Variants in PDHA2 observed in about 807,000 individuals in gnomAD.
PDHA2 encodes pyruvate dehydrogenase E1 subunit alpha 2, also known as pyruvate dehydrogenase E1 component subunit alpha, testis-specific form, mitochondrial.
For synonymous variants in PDHA2, 188 were observed against 185.9 expected (o/e 1.01, Z -0.09); for missense variants, 533 against 495.8 (o/e 1.07, Z -0.71).
chr4:95,840,590 AAGG>A lies in PDHA2; in HGVS notation c.445_447del (p.Gly149del). The A allele has an allele frequency of 1.9e-6, 3 of 1,614,160 alleles. No homozygotes were observed. Among genetic ancestry groups the A allele is most frequent in the Non-Finnish European group, 2.5e-6 (3 of 1,180,042 alleles). On this transcript the variant is annotated inframe_deletion, in exon 1 of 1. Transcript: ENST00000295266. ...AGAAGAGGAGGTTGTGCTAAAGGAA[AAGG>A]AGGATCGATGCATATGTATACCAAG...
chr4:95,840,870 C>T lies in PDHA2; in HGVS notation c.720C>T (p.Tyr240=). The T allele has an allele frequency of 1.2e-6, 2 of 1,614,074 alleles. No individual in the cohort carries two copies. The highest frequency in any genetic ancestry group is 1.7e-6 in the Non-Finnish European group (2 of 1,180,006). ...AGAGAGCAGCAGCCAGCCCTGATTA[C>T]TACAAGAGGGGCAATTTTATCCCTG... ...STERAAASPD[Y]YKRGNFIPGL... is the part of the protein sequence containing the mutation. Residue 240 remains tyrosine (Y), a synonymous_variant, in exon 1 of 1, where the codon TAC becomes TAT. Coordinates refer to ENST00000295266, the MANE Select transcript of PDHA2 (RefSeq NM_005390.5).
In PDHA2 at chr4:95,840,842, C is replaced by T. The variant is rs371352852; in HGVS notation, c.692C>T (p.Thr231Ile). ...AACCTATATGGAATGGGAACATCTA[C>T]TGAGAGAGCAGCAGCCAGCCCTGAT... The part of the protein sequence containing the change: ...ENNLYGMGTS[T>I]ERAAASPDYY... The change falls in exon 1 of 1, where the codon ACT (threonine) becomes ATT (isoleucine). Residue 231 changes from threonine (T) to isoleucine (I), a missense_variant. Thr to Ile is a moderately conservative substitution (Grantham distance 89, BLOSUM62 -1). Coordinates refer to ENST00000295266, the MANE Select transcript of PDHA2 (RefSeq NM_005390.5). 3.7e-6 allele frequency: 6 copies of T among 1,613,884 alleles called. No individual in the cohort carries two copies. The highest frequency in any genetic ancestry group is 5.1e-6 in the Non-Finnish European group (6 of 1,179,930).
In PDHA2 at chr4:95,840,457, G is replaced by A. The variant is rs1405877981; in HGVS notation, c.307G>A (p.Glu103Lys). Residue 103 changes from glutamate to lysine, a missense_variant, in exon 1 of 1, where the codon GAG becomes AAG. Transcript: ENST00000295266. ...DGQEACCVGL[E>K]AGINPSDHVI... is the part of the protein sequence containing the mutation. ...TCAGGAAGCTTGTTGCGTGGGCCTT[G>A]AGGCCGGCATAAACCCCTCGGATCA... The A allele has an allele frequency of 1.2e-6, 2 of 1,614,184 alleles. No individual in the cohort carries two copies. The highest frequency in any genetic ancestry group is 1.7e-5 in the Admixed American group (1 of 60,026).
rs776756344 is a variant in PDHA2, at chr4:95,841,048, C to A, written c.898C>A (p.Arg300Ser). The part of the protein sequence containing the change: ...HSMSDPGVSY[R>S]TREEIQEVRS... ...TATGAGTGATCCTGGAGTCAGTTATCGTACACGAGAAGAAATTCAGGAAGT... is the reference window on the plus strand; with the variant it reads ...TATGAGTGATCCTGGAGTCAGTTATAGTACACGAGAAGAAATTCAGGAAGT... The change falls in exon 1 of 1, where the codon CGT becomes AGT. Residue 300 changes from arginine (R) to serine (S), a missense_variant. By Grantham distance (110) the Arg-to-Ser change is moderately radical. Coordinates refer to ENST00000295266, the MANE Select transcript of PDHA2 (RefSeq NM_005390.5). The A allele has an allele frequency of 1.2e-6, 2 of 1,614,032 alleles. No homozygotes were observed. The highest frequency in any genetic ancestry group is 2.2e-5 in the South Asian group (2 of 91,068).
In PDHA2 at chr4:95,841,312, A is replaced by G; in HGVS notation, c.1162A>G (p.Ser388Gly). 1 of 1,611,310 alleles carries G rather than the reference A, an allele frequency of 6.2e-7. No individual in the cohort carries two copies. Among genetic ancestry groups the G allele is most frequent in the Non-Finnish European group, 8.5e-7 (1 of 1,177,458 alleles). The change falls in exon 1 of 1, where the codon AGT (serine) becomes GGT (glycine). Residue 388 changes from serine (S) to glycine (G), a missense_variant. Coordinates refer to ENST00000295266, the MANE Select transcript of PDHA2 (RefSeq NM_005390.5). ...TCCATGGATCAAGTTTAAGTCCGTC[A>G]GTTAAAGGGAGGCTACGTGTGAATT... is the stretch of plus-strand genomic sequence containing the variant. ...ANPWIKFKSV[S>G]
chr4:95,841,364 C>A lies in PDHA2; in HGVS notation c.*47C>A. 6.9e-7 allele frequency: 1 copy of A among 1,445,710 alleles called. No individual in the cohort carries two copies. Among genetic ancestry groups the A allele is most frequent in the African/African-American group, 1.4e-5 (1 of 70,926 alleles). 89.6% of individuals were successfully genotyped at this position (1,445,710 alleles called of 1,614,324 possible). On this transcript the variant is annotated 3_prime_UTR_variant, in exon 1 of 1. Transcript: ENST00000295266. ...ATCATCAGTCTCTCAATGGAATGTT[C>A]ATGGTCAAATTTAAGAAACTGTGTT...
chr4:95,841,174 A>T lies in PDHA2; in HGVS notation c.1024A>T (p.Lys342Ter), dbSNP rs746111559. The T allele has an allele frequency of 6.2e-7, 1 of 1,614,202 alleles. No individual in the cohort carries two copies. The highest frequency in any genetic ancestry group is 1.1e-5 in the South Asian group (1 of 91,080). Residue 342 changes from lysine to a stop codon, truncating the protein, a stop_gained, in exon 1 of 1, where the codon AAA becomes TAA. Transcript: ENST00000295266. LOFTEE classifies it low-confidence loss of function (END_TRUNC). ...ELKEIGAEVRKEIDDAAQFAT... is the reference protein window; with the variant it reads ...ELKEIGAEVR ...AAAGGAAATTGGGGCTGAGGTGAGG[A>T]AAGAAATTGATGATGCTGCCCAGTT...
rs746575062 is a variant in PDHA2, at chr4:95,840,882, C to A, written c.732C>A (p.Gly244=). 3 of 1,613,884 alleles carry A rather than the reference C, an allele frequency of 1.9e-6. No individual in the cohort carries two copies. In the African/African-American group the frequency reaches 4.0e-5, roughly 22 times the overall value. Residue 244 remains glycine (G), a synonymous_variant, in exon 1 of 1, where the codon GGC becomes GGA. Transcript: ENST00000295266. Reference sequence around the variant, plus strand: ...CCAGCCCTGATTACTACAAGAGGGGCAATTTTATCCCTGGGCTAAAGGTCG... The same window carrying A: ...CCAGCCCTGATTACTACAAGAGGGGAAATTTTATCCCTGGGCTAAAGGTCG... ...AAASPDYYKR[G]NFIPGLKVDG...
In PDHA2 at chr4:95,841,068, G is replaced by A. The variant is rs868660774; in HGVS notation, c.918G>A (p.Gln306=). The change falls in exon 1 of 1, where the codon CAG becomes CAA. Residue 306 remains glutamine (Q), a synonymous_variant. Transcript: ENST00000295266. Reference sequence around the variant, plus strand: ...GTTATCGTACACGAGAAGAAATTCAGGAAGTAAGAAGTAAGAGGGATCCTA... The same window carrying A: ...GTTATCGTACACGAGAAGAAATTCAAGAAGTAAGAAGTAAGAGGGATCCTA... ...GVSYRTREEI[Q]EVRSKRDPII... is the part of the protein sequence containing the mutation. 6.2e-7 allele frequency: 1 copy of A among 1,614,118 alleles called. No homozygotes were observed. The highest frequency in any genetic ancestry group is 1.7e-5 in the Admixed American group (1 of 60,018).
Position 95,841,076 on chromosome 4 carries a change from GA to G in PDHA2, c.928del (p.Ser310ValfsTer6), listed in dbSNP as rs778182607. On this transcript the variant is annotated frameshift_variant, in exon 1 of 1. Coordinates refer to ENST00000295266, the MANE Select transcript of PDHA2 (RefSeq NM_005390.5). LOFTEE classifies it low-confidence loss of function (END_TRUNC). The part of the protein sequence containing the change: ...YRTREEIQEV[R>X]SKRDPIIILQ... ...ACACGAGAAGAAATTCAGGAAGTAA[GA>G]AGTAAGAGGGATCCTATAATAATTC... The G allele has an allele frequency of 4.3e-6, 7 of 1,614,152 alleles. No homozygotes were observed. Among genetic ancestry groups the G allele is most frequent in the Non-Finnish European group, 1.7e-6 (2 of 1,179,992 alleles).
Position 95,840,809 on chromosome 4 carries a change from G to A in PDHA2, c.659G>A (p.Cys220Tyr), listed in dbSNP as rs1478534379. The A allele has an allele frequency of 4.3e-6, 7 of 1,614,018 alleles. No individual in the cohort carries two copies. The African/African-American group carries it at 6.7e-5, about 15-fold the overall frequency. Residue 220 changes from cysteine (C) to tyrosine (Y), a missense_variant, in exon 1 of 1, where the codon TGT becomes TAT. Physicochemically the swap from Cys to Tyr is radical, Grantham distance 194. Transcript: ENST00000295266. ...ALWKLPCVFI[C>Y]ENNLYGMGTS... Reference sequence around the variant, plus strand: ...TGGAAATTACCTTGTGTTTTCATCTGTGAGAATAACCTATATGGAATGGGA... The same window carrying A: ...TGGAAATTACCTTGTGTTTTCATCTATGAGAATAACCTATATGGAATGGGA...
At position 95,841,187 on chromosome 4, in the gene PDHA2, A is replaced by C. The variant is rs1723511821; in HGVS notation, c.1037A>C (p.Asp346Ala). The change falls in exon 1 of 1, where the codon GAT becomes GCT. Residue 346 changes from aspartate (D) to alanine (A), a missense_variant. Transcript: ENST00000295266. ...GCTGAGGTGAGGAAAGAAATTGATG[A>C]TGCTGCCCAGTTTGCTACCACTGAT... ...IGAEVRKEID[D>A]AAQFATTDPE... 2 of 1,614,180 alleles carry C rather than the reference A, an allele frequency of 1.2e-6. No individual in the cohort carries two copies. Among genetic ancestry groups the C allele is most frequent in the Non-Finnish European group, 1.7e-6 (2 of 1,180,024 alleles).
In PDHA2 at chr4:95,841,323, G is replaced by A. The variant is rs1447216283; in HGVS notation, c.*6G>A. 1.2e-6 allele frequency: 2 copies of A among 1,606,316 alleles called. No homozygotes were observed. Among genetic ancestry groups the A allele is most frequent in the South Asian group, 1.1e-5 (1 of 90,934 alleles). On this transcript the variant is annotated 3_prime_UTR_variant, in exon 1 of 1. Transcript: ENST00000295266. ...AGTTTAAGTCCGTCAGTTAAAGGGA[G>A]GCTACGTGTGAATTTATCATCAGTC...
Position 95,840,879 on chromosome 4 carries a change from G to A in PDHA2, c.729G>A (p.Arg243=), listed in dbSNP as rs1334261174. ...CAGCCAGCCCTGATTACTACAAGAG[G>A]GGCAATTTTATCCCTGGGCTAAAGG... ...RAAASPDYYK[R]GNFIPGLKVD... The change falls in exon 1 of 1, where the codon AGG becomes AGA. Residue 243 remains arginine, a synonymous_variant. Coordinates refer to ENST00000295266, the MANE Select transcript of PDHA2 (RefSeq NM_005390.5). The A allele has an allele frequency of 1.9e-6, 3 of 1,613,966 alleles. No individual in the cohort carries two copies. Among genetic ancestry groups the A allele is most frequent in the African/African-American group, 1.3e-5 (1 of 74,896 alleles).
rs753952426 is a variant in PDHA2 at position 95,840,109 on chromosome 4, G to T, written c.-42G>T. The stretch of plus-strand genomic sequence containing the variant: ...GCCGAGGCCAGGCCTTCCGGCGGTC[G>T]TTACGGGACGCCGCTGCCATCTACA... On this transcript the variant is annotated 5_prime_UTR_variant, in exon 1 of 1. Transcript: ENST00000295266. The T allele has an allele frequency of 1.3e-6, 2 of 1,528,958 alleles. No individual in the cohort carries two copies. Among genetic ancestry groups the T allele is most frequent in the South Asian group, 2.6e-5 (2 of 78,204 alleles). The allele number at this position is 1,528,958 out of a possible 1,614,324, so 94.7% of individuals were successfully genotyped here.
chr4:95,841,003 T>C lies in PDHA2; in HGVS notation c.853T>C (p.Tyr285His). 1 of 1,614,118 alleles carries C rather than the reference T, an allele frequency of 6.2e-7. No homozygotes were observed. Among genetic ancestry groups the C allele is most frequent in the Non-Finnish European group, 8.5e-7 (1 of 1,180,030 alleles). The change falls in exon 1 of 1, where the codon TAC (tyrosine) becomes CAC (histidine). Residue 285 changes from tyrosine to histidine, a missense_variant. By Grantham distance (83) the Tyr-to-His change is moderately conservative. Coordinates refer to ENST00000295266, the MANE Select transcript of PDHA2 (RefSeq NM_005390.5). The stretch of plus-strand genomic sequence containing the variant: ...GCCCATACTGATGGAGCTGCAAACC[T>C]ACCGTTATCATGGACACAGTATGAG... ...KGPILMELQTYRYHGHSMSDP... is the reference protein window; with the variant it reads ...KGPILMELQTHRYHGHSMSDP...
In PDHA2 at chr4:95,840,177, G is replaced by A. The variant is rs748644002; in HGVS notation, c.27G>A (p.Val9=). 2.5e-6 allele frequency: 4 copies of A among 1,613,326 alleles called. No homozygotes were observed. The African/African-American group carries it at 4.0e-5, about 16-fold the overall frequency. The change falls in exon 1 of 1, where the codon GTG becomes GTA. Residue 9 remains valine (V), a synonymous_variant. Transcript: ENST00000295266. MLAAFISR[V]LRRVAQKSAR... Reference sequence around the variant, plus strand: ...TGCTGGCCGCCTTCATCTCCCGCGTGTTGAGGCGAGTTGCCCAGAAATCAG... The same window carrying A: ...TGCTGGCCGCCTTCATCTCCCGCGTATTGAGGCGAGTTGCCCAGAAATCAG...
chr4:95,840,911 G>A lies in PDHA2; in HGVS notation c.761G>A (p.Gly254Glu), dbSNP rs773270341. 10 of 1,614,010 alleles carry A rather than the reference G, an allele frequency of 6.2e-6. No homozygotes were observed. Among genetic ancestry groups the A allele is most frequent in the Admixed American group, 1.7e-5 (1 of 60,002 alleles). The part of the protein sequence containing the change: ...GNFIPGLKVD[G>E]MDVLCVREAT... ...TTTATCCCTGGGCTAAAGGTCGATG[G>A]AATGGATGTTCTGTGTGTTCGTGAG... The change falls in exon 1 of 1, where the codon GGA (glycine) becomes GAA (glutamate). Residue 254 changes from glycine to glutamate, a missense_variant. Coordinates refer to ENST00000295266, the MANE Select transcript of PDHA2 (RefSeq NM_005390.5).
Position 95,841,214 on chromosome 4 carries a change from C to T in PDHA2, c.1064C>T (p.Pro355Leu). 6.2e-7 allele frequency: 1 copy of T among 1,614,144 alleles called. No individual in the cohort carries two copies. Among genetic ancestry groups the T allele is most frequent in the Non-Finnish European group, 8.5e-7 (1 of 1,179,992 alleles). ...GCTGCCCAGTTTGCTACCACTGATC[C>T]TGAGCCACATTTGGAAGAATTAGGC... ...DDAAQFATTDPEPHLEELGHH... is the reference protein window; with the variant it reads ...DDAAQFATTDLEPHLEELGHH... The change falls in exon 1 of 1, where the codon CCT becomes CTT. Residue 355 changes from proline (P) to leucine (L), a missense_variant. Physicochemically the swap from Pro to Leu is moderately conservative, Grantham distance 98. Coordinates refer to ENST00000295266, the MANE Select transcript of PDHA2 (RefSeq NM_005390.5).
Sources: allele counts gnomAD v4.1 joint callset, GRCh38; gene constraint gnomAD v4.1.1; transcripts MANE v1.5; gene names NCBI Gene and HGNC (gene_info 2026-07-23, HGNC 2026-07-21).